Variants in ANO6 observed in about 807,000 individuals in gnomAD.
ANO6 encodes the protein anoctamin-6.
A neutral mutation model predicts 117.5 loss-of-function variants in ANO6; 106 were observed. The ratio of observed to expected loss-of-function variants is 0.90; its 90% CI spans 0.77 to 1.06. ANO6 has a LOEUF of 1.06. Among genes scored for constraint, ANO6 ranks in the 50% least tolerant of loss-of-function variants. The pLI, the probability that ANO6 is intolerant of heterozygous loss-of-function variation, is 0.00. For synonymous variants in ANO6, 367 were observed against 385.1 expected, an observed-to-expected ratio of 0.95 and a Z score of 0.55; for missense variants, 955 against 1,121.1, an observed-to-expected ratio of 0.85 and a Z score of 2.12.
At chr12:45,357,145 G>C in intron 7 of ANO6, 145 bp from the exon 8 acceptor site, 1 of 850,954 alleles carries the variant, frequency 1.2e-6, no homozygotes, top group Non-Finnish European at 1.8e-6. Context: ...TTCAGGGTCT[G>C]CTGTGAAAAT....
downstream of ANO6, among the ~76,000 whole-genome samples, chr12:45,432,938 T>C (rs1943664170): frequency 6.6e-6 from 1 of 152,170 alleles, no homozygotes; most frequent in African/African-American, 2.4e-5. Context: ...CTATCTGCAA[T>C]AGTCAGCCCA....
chr12:45,364,666 C>G (rs1475866764), intron 8 of ANO6, among the ~76,000 whole-genome samples: 1 of 152,138 alleles, frequency 6.6e-6, no homozygotes, highest in African/African-American at 2.4e-5. Flanking sequence ...TTGATATTCT[C>G]TTTGTTGTGC....
intron 8 of ANO6, among the ~76,000 whole-genome samples, chr12:45,367,106 C>T (rs906159021): frequency 1.2e-4 from 19 of 152,130 alleles, no homozygotes; most frequent in African/African-American, 4.3e-4. Context: ...CTCAGCTTCT[C>T]GAGTAGCTGG....
chr12:45,413,683 C>T (rs1200950279), intron 16 of ANO6, among the ~76,000 whole-genome samples: 1 of 152,018 alleles, frequency 6.6e-6, no homozygotes, highest in Non-Finnish European at 1.5e-5. Flanking sequence ...AGAGTTGTGT[C>T]AACACAGAGA....
At chr12:45,428,805 G>C (rs541197790) in intron 19 of ANO6, among the ~76,000 whole-genome samples, 84 of 152,254 alleles carry the variant, frequency 5.5e-4, no homozygotes, top group African/African-American at 1.7e-3. Context: ...CAGCATCCTA[G>C]TTTTTAAGTT....
chr12:45,429,557 G>A lies in ANO6; in HGVS notation c.*246G>A. 1 of 1,283,914 alleles carries A rather than the reference G, an allele frequency of 7.8e-7. No homozygotes were observed. Among genetic ancestry groups the A allele is most frequent in the South Asian group, 1.7e-5 (1 of 57,362 alleles). 79.5% of individuals were successfully genotyped at this position (1,283,914 alleles called of 1,614,324 possible). A position where few individuals can be genotyped will look rare whatever the true frequency, so the allele number is the denominator to read the frequency against. ...CAATGTTACCTTTTTCTGATAAATT[G>A]GAATTTTACAGAAAAAGTCCCTCAG... On this transcript the variant is annotated 3_prime_UTR_variant, in exon 20 of 20. Coordinates refer to ENST00000320560, the MANE Select transcript of ANO6 (RefSeq NM_001025356.3).
chr12:45,362,360 T>C (rs1156627595), intron 8 of ANO6, among the ~76,000 whole-genome samples: 2 of 152,114 alleles, frequency 1.3e-5, no homozygotes, highest in Non-Finnish European at 2.9e-5. Context: ...TTTCTGATTT[T>C]AACCCTTTGA....
intron 3 of ANO6, among the ~76,000 whole-genome samples, chr12:45,336,555 A>T (rs902747366): frequency 6.6e-6 from 1 of 152,048 alleles, no homozygotes; most frequent in Non-Finnish European, 1.5e-5. Flanking sequence ...AGCTGTCTTA[A>T]CATGGTAGTG....
exon 20 of ANO6, chr12:45,439,995 G>A: frequency 7.0e-7 from 1 of 1,423,040 alleles, no homozygotes; most frequent in South Asian, 1.7e-5. Flanking sequence ...GGCCAGCATT[G>A]TTTCATGTGC....
chr12:45,363,725 C>T (rs918113845), intron 8 of ANO6, among the ~76,000 whole-genome samples: 4 of 152,102 alleles, frequency 2.6e-5, no homozygotes, highest in African/African-American at 9.7e-5. Context: ...ATCATGTGGG[C>T]AGTTTTCCTC....
intron 9 of ANO6, among the ~76,000 whole-genome samples, chr12:45,376,385 A>G (rs1942018673): frequency 7.4e-6 from 1 of 135,456 alleles, no homozygotes; most frequent in Non-Finnish European, 1.5e-5. Flanking sequence ...TCATGCTGCT[A>G]TAAAGACACA....
chr12:45,429,707 C>T lies in ANO6; in HGVS notation c.*396C>T. 1 of 1,115,264 alleles carries T rather than the reference C, an allele frequency of 9.0e-7. No homozygotes were observed. The highest frequency in any genetic ancestry group is 1.1e-6 in the Non-Finnish European group (1 of 909,118). The allele number at this position is 1,115,264 out of a possible 1,614,324, so 69.1% of individuals were successfully genotyped here. On this transcript the variant is annotated 3_prime_UTR_variant, in exon 20 of 20. Transcript: ENST00000320560. ...TTTTAAGCCATGTTTCATTTCTTCA[C>T]TTGGCTAGATCTGTTCCAGGGTCAT...
At chr12:45,403,292 C>G (rs1020229074) in intron 14 of ANO6, 51 bp downstream of exon 14, 1 of 1,586,418 alleles carries the variant, frequency 6.3e-7, no homozygotes, top group Non-Finnish European at 8.6e-7. Context: ...AGTTTTCTCT[C>G]AGTTGCCCAA....
At chr12:45,436,705 C>A (rs1346875093), downstream of ANO6, among the ~76,000 whole-genome samples, 1 of 152,166 alleles carries the variant, frequency 6.6e-6, no homozygotes, top group Non-Finnish European at 1.5e-5. Flanking sequence ...TGGTGGCTCA[C>A]GTCTGTAATC....
intron 1 of ANO6, among the ~76,000 whole-genome samples, chr12:45,278,549 CT>C (rs201942973): frequency 1.3e-5 from 2 of 152,100 alleles, no homozygotes; most frequent in South Asian, 2.1e-4. Flanking sequence ...TCCAAAAGCT[CT>C]TTTTTTTATT....
Position 45,380,301 on chromosome 12 carries a change from C to A in ANO6, c.1165+2188C>A, listed in dbSNP as rs75278644. Among the ~76,000 whole-genome samples, 95 of 152,328 alleles carry A rather than the reference C, an allele frequency of 6.2e-4. No homozygotes were observed. The East Asian group carries it at 0.018, about 29-fold the overall frequency. On this transcript the variant is annotated intron_variant, in intron 10 of 19. Transcript: ENST00000320560. ...TTCCTTGTTGCATCTTGCCTACTTACACCTGATTCTCCCTGGATCAGACTT... is the reference window on the plus strand; with the variant it reads ...TTCCTTGTTGCATCTTGCCTACTTAAACCTGATTCTCCCTGGATCAGACTT...
At chr12:45,303,769 C>T (rs1354908938) in intron 2 of ANO6, among the ~76,000 whole-genome samples, 3 of 152,196 alleles carry the variant, frequency 2.0e-5, no homozygotes, top group Admixed American at 6.5e-5. Context: ...TCCGGGCTCA[C>T]AGAATACATT....
In ANO6 at chr12:45,357,274, TTC is replaced by T. The variant is rs756766801; in HGVS notation, c.864-14_864-13del. 10 of 1,612,924 alleles carry T rather than the reference TTC, an allele frequency of 6.2e-6. No individual in the cohort carries two copies. In the East Asian group the frequency reaches 2.2e-4, roughly 36 times the overall value. ...ATTATTTGCATCTTCTAAAAATAATTTCTGTCTTTCTTCAGGAAATACTATGG... is the reference window on the plus strand; with the variant it reads ...ATTATTTGCATCTTCTAAAAATAATTTGTCTTTCTTCAGGAAATACTATGG... On this transcript the variant is annotated splice_polypyrimidine_tract_variant and intron_variant, in intron 7 of 19. Coordinates refer to ENST00000320560, the MANE Select transcript of ANO6 (RefSeq NM_001025356.3).
At chr12:45,238,387 G>T (rs548683001) in intron 1 of ANO6, among the ~76,000 whole-genome samples, 2 of 152,198 alleles carry the variant, frequency 1.3e-5, no homozygotes, top group Admixed American at 6.5e-5. Flanking sequence ...CCAACCTCAG[G>T]TGATCTGCAT....
Sources: gnomAD v4.1 joint callset for allele counts (sites outside exome capture counted in the v4.1 genomes callset) on GRCh38, gnomAD v4.1.1 for gene constraint, MANE v1.5 for transcripts, NCBI Gene and HGNC (gene_info 2026-07-23, HGNC 2026-07-21) for gene names.